Variants in SPATA17 observed in about 807,000 individuals in gnomAD.
The protein encoded by SPATA17 is spermatogenesis associated 17.
In SPATA17, 53 loss-of-function variants were observed where a neutral mutation model predicts 62.2. The observed-to-expected ratio is 0.85, with a 90% CI of 0.68 to 1.07. The LOEUF is 1.07. Among genes scored for constraint, SPATA17 ranks in the 50% least tolerant of loss-of-function variants. The pLI is 0.00. For missense variants in SPATA17, 466 were observed against 425.5 expected, an observed-to-expected ratio of 1.10 and a Z score of -0.84; for synonymous variants, 146 against 146.8, an observed-to-expected ratio of 0.99 and a Z score of 0.04.
intron 8 of SPATA17, among the ~76,000 whole-genome samples, chr1:217,784,060 A>G (rs988758826): frequency 6.6e-6 from 1 of 152,118 alleles, no homozygotes. Flanking sequence ...TAACCTAAGG[A>G]TAATTCCATT....
chr1:217,805,365 A>T (rs1316305515), intron 9 of SPATA17, among the ~76,000 whole-genome samples: 1 of 152,176 alleles, frequency 6.6e-6, no homozygotes, highest in Non-Finnish European at 1.5e-5. Flanking sequence ...GGTGGTTACT[A>T]GGAACTTGAG....
At chr1:217,635,980 A>G (rs1248342797) in intron 1 of SPATA17, among the ~76,000 whole-genome samples, 5 of 151,720 alleles carry the variant, frequency 3.3e-5, no homozygotes, top group Admixed American at 3.3e-4. Flanking sequence ...TAAAAATACA[A>G]AAATTAGCTG....
At chr1:217,771,018 C>T (rs1427350870) in intron 6 of SPATA17, among the ~76,000 whole-genome samples, 2 of 34,756 alleles carry the variant, frequency 5.8e-5, no homozygotes, top group Non-Finnish European at 5.3e-5. Flanking sequence ...TGCCTTTTGA[C>T]GAGTCAGAAT....
At chr1:217,635,463 G>C (rs1413531227) in intron 1 of SPATA17, among the ~76,000 whole-genome samples, 1 of 152,154 alleles carries the variant, frequency 6.6e-6, no homozygotes, top group Non-Finnish European at 1.5e-5. Context: ...CAGCACTTTG[G>C]GAGGCTGAGG....
At chr1:217,770,647 A>AT (rs1244841672) in intron 6 of SPATA17, among the ~76,000 whole-genome samples, 1 of 152,170 alleles carries the variant, frequency 6.6e-6, no homozygotes, top group Non-Finnish European at 1.5e-5. Context: ...CATAAAAAAC[A>AT]TTTTTCATGG....
chr1:217,810,644 T>C lies in SPATA17; in HGVS notation c.1005+8794T>C, dbSNP rs1027591623. Among the ~76,000 whole-genome samples, 9 of 151,744 alleles carry C rather than the reference T, an allele frequency of 5.9e-5. 1 individual carries two copies. In the East Asian group the frequency reaches 9.7e-4, roughly 16 times the overall value. ...AAAAAAAAAGAAAGAAAGAGGTACC[T>C]GAGAATCTGAGACTCGGTTATTTTT... On this transcript the variant is annotated intron_variant, in intron 9 of 10. Coordinates refer to ENST00000366933, the MANE Select transcript of SPATA17 (RefSeq NM_138796.4).
At chr1:217,781,725 T>C (rs1673731589) in intron 7 of SPATA17, among the ~76,000 whole-genome samples, 1 of 152,150 alleles carries the variant, frequency 6.6e-6, no homozygotes, top group South Asian at 2.1e-4. Context: ...AATTTTAACT[T>C]AATGAAAAAA....
intron 5 of SPATA17, among the ~76,000 whole-genome samples, chr1:217,712,230 G>T (rs1226846578): frequency 6.7e-6 from 1 of 149,306 alleles, no homozygotes; most frequent in Non-Finnish European, 1.5e-5. Flanking sequence ...GGATTCAAGT[G>T]ATTCTCCTGC....
intron 9 of SPATA17, among the ~76,000 whole-genome samples, chr1:217,849,127 G>A (rs780056857): frequency 6.6e-6 from 1 of 151,936 alleles, no homozygotes; most frequent in East Asian, 1.9e-4. Context: ...TTGGTTTTTT[G>A]TTTGTTTACT....
chr1:217,806,924 T>C (rs939784247), intron 9 of SPATA17, among the ~76,000 whole-genome samples: 3 of 152,176 alleles, frequency 2.0e-5, no homozygotes, highest in Non-Finnish European at 2.9e-5. Flanking sequence ...ATACAAGTTA[T>C]ATATGCAGCG....
At chr1:217,798,159 G>C (rs528776963) in intron 8 of SPATA17, among the ~76,000 whole-genome samples, 69 of 152,252 alleles carry the variant, frequency 4.5e-4, no homozygotes, top group African/African-American at 1.5e-3. Flanking sequence ...GATTTTCTAA[G>C]AGATTCTTTG....
At chr1:217,775,638 G>A (rs4846438) in intron 7 of SPATA17, among the ~76,000 whole-genome samples, 111,619 of 151,806 alleles carry the variant, frequency 0.74, 41,353 homozygotes, top group Non-Finnish European at 0.77. Flanking sequence ...GGAGGCGGAG[G>A]TTGCAGTGAG....
chr1:217,814,990 C>T (rs1404378861), intron 9 of SPATA17, among the ~76,000 whole-genome samples: 1 of 152,112 alleles, frequency 6.6e-6, no homozygotes, highest in Non-Finnish European at 1.5e-5. Context: ...CATTTTTCTA[C>T]AATTAAACTC....
intron 2 of SPATA17, 74 bp from the exon 3 acceptor site, chr1:217,651,023 G>C: frequency 6.4e-6 from 7 of 1,090,118 alleles, no homozygotes; most frequent in Non-Finnish European, 9.6e-6. Flanking sequence ...AATTGTAGGA[G>C]AGTATTTTAA....
chr1:217,646,064 T>G (rs1471022493), intron 1 of SPATA17, among the ~76,000 whole-genome samples: 1 of 152,160 alleles, frequency 6.6e-6, no homozygotes, highest in Admixed American at 6.5e-5. Flanking sequence ...GGTCAAAATG[T>G]TGATAATCAG....
chr1:217,801,905 C>T (rs1289800103), intron 9 of SPATA17, 55 bp downstream of exon 9: 16 of 1,463,766 alleles, frequency 1.1e-5, no homozygotes, highest in Non-Finnish European at 1.5e-5. Flanking sequence ...TAGAAATATA[C>T]ATTAATTAGA....
At chr1:217,662,216 C>T (rs898204661) in intron 3 of SPATA17, among the ~76,000 whole-genome samples, 6 of 151,964 alleles carry the variant, frequency 3.9e-5, no homozygotes, top group African/African-American at 1.4e-4. Context: ...TTTTGAATCA[C>T]CATAGTCTGA....
At chr1:217,772,837 G>C (rs1486012264) in intron 6 of SPATA17, among the ~76,000 whole-genome samples, 1 of 152,186 alleles carries the variant, frequency 6.6e-6, no homozygotes, top group Non-Finnish European at 1.5e-5. Context: ...ATATAATTTT[G>C]AAACAGTGTA....
intron 4 of SPATA17, among the ~76,000 whole-genome samples, chr1:217,672,026 G>A (rs1670841648): frequency 6.6e-6 from 1 of 152,136 alleles, no homozygotes; most frequent in Non-Finnish European, 1.5e-5. Flanking sequence ...TGATCCAAGT[G>A]ACCAGTGACT....
Sources: gnomAD v4.1 joint callset for allele counts (sites outside exome capture counted in the v4.1 genomes callset) on GRCh38, gnomAD v4.1.1 for gene constraint, MANE v1.5 for transcripts, NCBI Gene and HGNC (gene_info 2026-07-23, HGNC 2026-07-21) for gene names.